Variants in CNOT4 observed in about 807,000 individuals in gnomAD.
CNOT4 encodes CCR4-associated factor 4.
Under a neutral mutation model 73.8 loss-of-function variants are expected in CNOT4, and 8 were observed. That is an observed-to-expected ratio of 0.11 (90% CI 0.06 to 0.20). The LOEUF (loss-of-function observed/expected upper bound fraction) is 0.20, where lower values mean the gene tolerates loss of function less well. Ranked by LOEUF, CNOT4 falls within the 10% of genes least tolerant of loss-of-function variation. The probability of loss-of-function intolerance (pLI) is 1.00; values close to 1 mark genes in which losing one functional copy is unlikely to be tolerated. For synonymous variants in CNOT4, 293 were observed against 321.1 expected, an observed-to-expected ratio of 0.91 and a Z score of 0.94; for missense variants, 564 against 883.4, an observed-to-expected ratio of 0.64 and a Z score of 4.58.
chr7:135,416,981 G>A (rs897333570), intron 3 of CNOT4, among the ~76,000 whole-genome samples: 1 of 152,138 alleles, frequency 6.6e-6, no homozygotes, highest in Non-Finnish European at 1.5e-5. Flanking sequence ...TAATTACAAA[G>A]TATTTTCCCA....
chr7:135,470,148 C>G (rs1219011139), intron 1 of CNOT4, among the ~76,000 whole-genome samples: 1 of 149,774 alleles, frequency 6.7e-6, no homozygotes, highest in Non-Finnish European at 1.5e-5. Flanking sequence ...GGGGGGGAGG[C>G]CAGGGTCTCA....
chr7:135,403,962 C>G (rs1053813359), intron 7 of CNOT4, among the ~76,000 whole-genome samples: 1 of 152,138 alleles, frequency 6.6e-6, no homozygotes, highest in African/African-American at 2.4e-5. Context: ...TTCTAGTAAA[C>G]AAGGGCACAC....
chr7:135,459,777 T>A (rs1237382373), intron 1 of CNOT4, among the ~76,000 whole-genome samples: 1 of 152,214 alleles, frequency 6.6e-6, no homozygotes, highest in Non-Finnish European at 1.5e-5. Context: ...AGTCAGCCTA[T>A]CCTTTGAAGC....
At chr7:135,409,137 A>T (rs1487237561) in intron 7 of CNOT4, among the ~76,000 whole-genome samples, 1 of 152,212 alleles carries the variant, frequency 6.6e-6, no homozygotes, top group African/African-American at 2.4e-5. Flanking sequence ...TAAATGTTAA[A>T]AGCATCTAAA....
chr7:135,414,419 C>G lies in CNOT4; in HGVS notation c.473G>C (p.Ser158Thr). The change falls in exon 5 of 12, where the codon AGT (serine) becomes ACT (threonine). Residue 158 changes from serine (S) to threonine (T), a missense_variant. By Grantham distance (58) the Ser-to-Thr change is moderately conservative (BLOSUM62 1). Transcript: ENST00000541284. ...TGACCGGATATAGGTTACATAAGCA[C>G]TGGCACTTGGACCCTAAAGTGAAAA... is the stretch of plus-strand genomic sequence containing the variant. ...SYAGSQGPSA[S>T]AYVTYIRSED... 1 of 1,497,900 alleles carries G rather than the reference C, an allele frequency of 6.7e-7. No individual in the cohort carries two copies. The highest frequency in any genetic ancestry group is 9.3e-7 in the Non-Finnish European group (1 of 1,077,382). The allele number at this position is 1,497,900 out of a possible 1,614,324, so 92.8% of individuals were successfully genotyped here. A position where few individuals can be genotyped will look rare whatever the true frequency, so the allele number is the denominator to read the frequency against.
intron 1 of CNOT4, among the ~76,000 whole-genome samples, chr7:135,469,794 T>G (rs1801459344): frequency 6.6e-6 from 1 of 151,748 alleles, no homozygotes; most frequent in Non-Finnish European, 1.5e-5. Flanking sequence ...CAGTTTTTTG[T>G]TGTTGGTGGT....
chr7:135,412,292 CATTTT>C lies in CNOT4; in HGVS notation c.687+1191_687+1195del, dbSNP rs370974386. ...AACAAGTTCCAAAGGACAGCCCATA[CATTTT>C]ATTTTATTGTTTAATATTACTTTAA... On this transcript the variant is annotated intron_variant, in intron 6 of 11. Transcript: ENST00000541284. Among the ~76,000 whole-genome samples, 95 of 151,938 alleles carry C rather than the reference CATTTT, an allele frequency of 6.3e-4. 2 individuals are homozygous for C. The South Asian group carries it at 0.019, about 30-fold the overall frequency.
Position 135,391,492 on chromosome 7 carries a change from G to A in CNOT4, c.1627+2426C>T, listed in dbSNP as rs1248158596. ...CCCACCCCCTACCAAATAGTACAAC[G>A]ATTCAGAACCTAAAGTTGGTGACTA... On this transcript the variant is annotated intron_variant, in intron 10 of 11. Coordinates refer to ENST00000541284, the MANE Select transcript of CNOT4 (RefSeq NM_001190850.2). 4.0e-5 allele frequency among the ~76,000 whole-genome samples: 6 copies of A among 151,682 alleles called. No individual in the cohort carries two copies. The East Asian group carries it at 7.7e-4, about 20-fold the overall frequency.
intron 1 of CNOT4, among the ~76,000 whole-genome samples, chr7:135,475,276 C>T (rs1801916447): frequency 6.6e-6 from 1 of 152,140 alleles, no homozygotes; most frequent in East Asian, 1.9e-4. Flanking sequence ...ACATATAAAA[C>T]ACAAAAGAAA....
At chr7:135,462,313 T>C (rs190637143) in intron 1 of CNOT4, among the ~76,000 whole-genome samples, 4 of 152,266 alleles carry the variant, frequency 2.6e-5, no homozygotes, top group Admixed American at 2.0e-4. Context: ...TAGAACCAGC[T>C]TGGGAAGTTA....
At chr7:135,473,880 A>C (rs1341522149) in intron 1 of CNOT4, among the ~76,000 whole-genome samples, 1 of 152,176 alleles carries the variant, frequency 6.6e-6, no homozygotes, top group Non-Finnish European at 1.5e-5. Flanking sequence ...TCCCCCATCC[A>C]AGAGTAGAAT....
chr7:135,385,155 C>T (rs751471224), intron 10 of CNOT4, among the ~76,000 whole-genome samples: 5 of 152,344 alleles, frequency 3.3e-5, no homozygotes, highest in Admixed American at 3.3e-4. Flanking sequence ...CATTACTGTT[C>T]TTAAAATGCT....
chr7:135,398,011 G>T (rs1428460516), intron 8 of CNOT4, among the ~76,000 whole-genome samples, 158 bp downstream of exon 8: 1 of 151,924 alleles, frequency 6.6e-6, no homozygotes, highest in African/African-American at 2.4e-5. Flanking sequence ...TATATATTCT[G>T]GGGGGAAAAG....
chr7:135,390,849 T>C (rs543354338), intron 10 of CNOT4, among the ~76,000 whole-genome samples: 1 of 152,296 alleles, frequency 6.6e-6, no homozygotes, highest in Non-Finnish European at 1.5e-5. Flanking sequence ...ATTTAGAGAA[T>C]AAATATATAT....
chr7:135,377,822 A>T (rs760224339), intron 10 of CNOT4, among the ~76,000 whole-genome samples: 4 of 152,220 alleles, frequency 2.6e-5, no homozygotes, highest in Non-Finnish European at 5.9e-5. Context: ...GACAGAACCA[A>T]TTCTCAGTCA....
At chr7:135,445,468 T>C (rs1421815012) in intron 1 of CNOT4, among the ~76,000 whole-genome samples, 3 of 152,312 alleles carry the variant, frequency 2.0e-5, no homozygotes, top group East Asian at 1.9e-4. Flanking sequence ...TATCTCACAT[T>C]ATAAATTTCT....
chr7:135,494,891 A>AT (rs1054363451), intron 1 of CNOT4, among the ~76,000 whole-genome samples: 3 of 152,168 alleles, frequency 2.0e-5, no homozygotes, highest in South Asian at 2.1e-4. Context: ...TTCTTCTTCT[A>AT]TTTTTTCTTC....
At chr7:135,419,237 T>C (rs1249730749) in intron 3 of CNOT4, among the ~76,000 whole-genome samples, 2 of 151,428 alleles carry the variant, frequency 1.3e-5, no homozygotes, top group Non-Finnish European at 3.0e-5. Context: ...AAATAAGCTT[T>C]AATTGTTCCT....
intron 10 of CNOT4, among the ~76,000 whole-genome samples, chr7:135,371,962 T>C (rs1795227867): frequency 6.6e-6 from 1 of 152,126 alleles, no homozygotes; most frequent in Non-Finnish European, 1.5e-5. Flanking sequence ...AACTGAGCAG[T>C]GACCATGAAC....
Sources: gnomAD v4.1 joint callset for allele counts (sites outside exome capture counted in the v4.1 genomes callset) on GRCh38, gnomAD v4.1.1 for gene constraint, MANE v1.5 for transcripts, NCBI Gene and HGNC (gene_info 2026-07-23, HGNC 2026-07-21) for gene names.